Variants in SOCS4 observed in about 807,000 individuals in gnomAD.
SOCS4 encodes the protein SH2 domain containing SOCS box protein.
SOCS4 carries 20 observed loss-of-function variants against 34.1 expected under a neutral mutation model. The observed-to-expected ratio is 0.59, with a 90% CI of 0.41 to 0.85. SOCS4 has a LOEUF of 0.85. SOCS4 is among the 40% of genes least tolerant of loss of function. SOCS4 has a pLI of 0.00. For missense variants in SOCS4, 479 were observed against 532.4 expected (o/e 0.90, Z 0.99); for synonymous variants, 180 against 186.4 (o/e 0.97, Z 0.28).
In SOCS4 at chr14:55,034,698, C is replaced by T. The variant is rs543740011; in HGVS notation, c.-91+2707C>T. Among the ~76,000 whole-genome samples the T allele has an allele frequency of 2.5e-3, 380 of 151,650 alleles. 2 individuals are homozygous for T. Among genetic ancestry groups the T allele is most frequent in the African/African-American group, 7.7e-3 (320 of 41,350 alleles). On this transcript the variant is annotated intron_variant, in intron 2 of 2. Transcript: ENST00000555846. ...AAAAACTACAAAAATTAGCCAGGCGCGGTGGCAGGTGCCTGTAATCCCAGC... is the reference window on the plus strand; with the variant it reads ...AAAAACTACAAAAATTAGCCAGGCGTGGTGGCAGGTGCCTGTAATCCCAGC...
rs533635926 is a variant in SOCS4, at chr14:55,047,742, C to T, written c.*3378C>T. 1.2e-5 allele frequency: 2 copies of T among 167,214 alleles called. No individual in the cohort carries two copies. The highest frequency in any genetic ancestry group is 4.8e-5 in the African/African-American group (2 of 41,580). 10.4% of individuals were successfully genotyped at this position (167,214 alleles called of 1,614,324 possible). A position where few individuals can be genotyped will look rare whatever the true frequency, so the allele number is the denominator to read the frequency against. Reference sequence around the variant, plus strand: ...TAGAACAAATGTGGCAAGTAGGACTCCTATCGGTATACAAATTCCATTTCT... The same window carrying T: ...TAGAACAAATGTGGCAAGTAGGACTTCTATCGGTATACAAATTCCATTTCT... On this transcript the variant is annotated 3_prime_UTR_variant, in exon 3 of 3. Coordinates refer to ENST00000555846, the MANE Select transcript of SOCS4 (RefSeq NM_199421.2).
rs77896504 is a variant in SOCS4, at chr14:55,039,099, T to C, written c.-90-3853T>C. ...TTTTCTGACTGGAGTAATTTTTGTT[T>C]TATAATGAGAAAAAACCAAAAAGCT... On this transcript the variant is annotated intron_variant, in intron 2 of 2. Transcript: ENST00000555846. Among the ~76,000 whole-genome samples, 380 of 152,334 alleles carry C rather than the reference T, an allele frequency of 2.5e-3. 4 individuals are homozygous for C. The highest frequency in any genetic ancestry group is 8.7e-3 in the African/African-American group (360 of 41,566).
chr14:55,042,132 T>G (rs2140248396), intron 2 of SOCS4, among the ~76,000 whole-genome samples: 1 of 152,262 alleles, frequency 6.6e-6, no homozygotes. Flanking sequence ...TAAATTCCAT[T>G]TACAAACAAT....
At chr14:55,031,273 G>A (rs929349873) in intron 1 of SOCS4, among the ~76,000 whole-genome samples, 2 of 152,078 alleles carry the variant, frequency 1.3e-5, no homozygotes, top group African/African-American at 2.4e-5. Context: ...CTTCAGTGAT[G>A]GGTTCCTAGA....
intron 1 of SOCS4, among the ~76,000 whole-genome samples, chr14:55,030,000 T>C (rs1485754389): frequency 6.6e-6 from 1 of 152,160 alleles, no homozygotes; most frequent in Admixed American, 6.5e-5. Flanking sequence ...ATCAGTGTTA[T>C]ATAGATAGAA....
chr14:55,035,132 A>G (rs2042561640), intron 2 of SOCS4, among the ~76,000 whole-genome samples: 1 of 152,204 alleles, frequency 6.6e-6, no homozygotes. Flanking sequence ...AAGTACTGGG[A>G]TTACAGACAT....
chr14:55,033,832 A>G (rs762951086), intron 2 of SOCS4, among the ~76,000 whole-genome samples: 7 of 152,220 alleles, frequency 4.6e-5, no homozygotes, highest in Non-Finnish European at 1.0e-4. Context: ...GAAATATTCT[A>G]GTAAGATATA....
rs1310114491 is a variant in SOCS4 at position 55,043,672 on chromosome 14, A to G, written c.631A>G (p.Thr211Ala). 1.1e-5 allele frequency: 17 copies of G among 1,614,056 alleles called. No individual in the cohort carries two copies. The highest frequency in any genetic ancestry group is 1.4e-5 in the Non-Finnish European group (16 of 1,180,046). The change falls in exon 3 of 3, where the codon ACT becomes GCT. Residue 211 changes from threonine (T) to alanine (A), a missense_variant. Transcript: ENST00000555846. ...DNALCREGPM[T>A]GSVMNLVSNN... The stretch of plus-strand genomic sequence containing the variant: ...TGCTTTGTGTAGAGAAGGTCCTATG[A>G]CTGGCTCTGTGATGAACCTGGTTTC...
In SOCS4 at chr14:55,044,447, TC is replaced by T; in HGVS notation, c.*84del. 9.3e-7 allele frequency: 1 copy of T among 1,080,280 alleles called. No individual in the cohort carries two copies. Among genetic ancestry groups the T allele is most frequent in the Non-Finnish European group, 1.2e-6 (1 of 827,868 alleles). 66.9% of individuals were successfully genotyped at this position (1,080,280 alleles called of 1,614,324 possible). On this transcript the variant is annotated 3_prime_UTR_variant, in exon 3 of 3. Transcript: ENST00000555846. The stretch of plus-strand genomic sequence containing the variant: ...TTCTTTTTATGCCACTTTGGATTTT[TC>T]TACAAAGGCAGTGGTGTCCAAAATA...
chr14:55,032,210 G>A (rs1004346716), intron 2 of SOCS4, among the ~76,000 whole-genome samples: 3 of 152,130 alleles, frequency 2.0e-5, no homozygotes, highest in Admixed American at 6.5e-5. Flanking sequence ...CAATAATGCT[G>A]TTATCCTACA....
rs541742955 is a variant in SOCS4, at chr14:55,046,189, G to T, written c.*1825G>T. On this transcript the variant is annotated 3_prime_UTR_variant, in exon 3 of 3. Coordinates refer to ENST00000555846, the MANE Select transcript of SOCS4 (RefSeq NM_199421.2). ...TAAAGACGATATTTACCTTTTACAA[G>T]GTTAGAAAAGTCTCATACTACCTCA... The T allele has an allele frequency of 3.0e-5, 5 of 166,854 alleles. No individual in the cohort carries two copies. The highest frequency in any genetic ancestry group is 7.2e-5 in the African/African-American group (3 of 41,554). 10.3% of individuals were successfully genotyped at this position (166,854 alleles called of 1,614,324 possible).
At position 55,044,536 on chromosome 14, in the gene SOCS4, G is replaced by A. The variant is rs181020163; in HGVS notation, c.*172G>A. Reference sequence around the variant, plus strand: ...TCTAGTGATACACAAATTGTTTAAGGTTATACACTCGAGCTTAAATAGATA... The same window carrying A: ...TCTAGTGATACACAAATTGTTTAAGATTATACACTCGAGCTTAAATAGATA... On this transcript the variant is annotated 3_prime_UTR_variant, in exon 3 of 3. Coordinates refer to ENST00000555846, the MANE Select transcript of SOCS4 (RefSeq NM_199421.2). The A allele has an allele frequency of 1.3e-3, 517 of 385,600 alleles. 2 individuals are homozygous for A. The highest frequency in any genetic ancestry group is 9.3e-3 in the African/African-American group (445 of 47,622). 23.9% of individuals were successfully genotyped at this position (385,600 alleles called of 1,614,324 possible).
At chr14:55,030,663 C>T (rs2042520495) in intron 1 of SOCS4, among the ~76,000 whole-genome samples, 1 of 152,114 alleles carries the variant, frequency 6.6e-6, no homozygotes, top group African/African-American at 2.4e-5. Flanking sequence ...TGTTTTCATA[C>T]CTTTTACTCC....
At position 55,043,724 on chromosome 14, in the gene SOCS4, T is replaced by C. The variant is rs143801578; in HGVS notation, c.683T>C (p.Met228Thr). The change falls in exon 3 of 3, where the codon ATG becomes ACG. Residue 228 changes from methionine to threonine, a missense_variant. Coordinates refer to ENST00000555846, the MANE Select transcript of SOCS4 (RefSeq NM_199421.2). Reference sequence around the variant, plus strand: ...AATAACAGTATAGAAGATAGTGATATGGATTCCGATGATGAAATTCTAACA... The same window carrying C: ...AATAACAGTATAGAAGATAGTGATACGGATTCCGATGATGAAATTCTAACA... ...VSNNSIEDSD[M>T]DSDDEILTLC... The C allele has an allele frequency of 1.9e-6, 3 of 1,614,054 alleles. No homozygotes were observed. The highest frequency in any genetic ancestry group is 1.3e-5 in the African/African-American group (1 of 74,938).
In SOCS4 at chr14:55,027,426, T is replaced by C. The variant is rs1202362916; in HGVS notation, c.-265T>C. 1 of 153,664 alleles carries C rather than the reference T, an allele frequency of 6.5e-6. No individual in the cohort carries two copies. Among genetic ancestry groups the C allele is most frequent in the African/African-American group, 2.4e-5 (1 of 41,466 alleles). 9.5% of individuals were successfully genotyped at this position (153,664 alleles called of 1,614,324 possible). On this transcript the variant is annotated 5_prime_UTR_variant, in exon 1 of 3. It removes an upstream start codon present in the reference 5' UTR. Coordinates refer to ENST00000555846, the MANE Select transcript of SOCS4 (RefSeq NM_199421.2). The stretch of plus-strand genomic sequence containing the variant: ...GCGCCCAGACTGATGGCGATGGTGA[T>C]GGCAGCAGTTACTCGCACAACCCCA...
intron 2 of SOCS4, among the ~76,000 whole-genome samples, chr14:55,037,615 G>A (rs371130126): frequency 4.0e-4 from 60 of 150,920 alleles, no homozygotes; most frequent in Non-Finnish European, 7.7e-4. Context: ...TGCCTCAGCC[G>A]CCCAAGTAGC....
In SOCS4 at chr14:55,048,532, TTTTTC is replaced by T. The variant is rs1398944101; in HGVS notation, c.*4177_*4181del. ...AAGGAAAGAACAGAAAGCACAAAGG[TTTTTC>T]TTTTCTTTATTAATGGCCTACTAGA... On this transcript the variant is annotated 3_prime_UTR_variant, in exon 3 of 3. Coordinates refer to ENST00000555846, the MANE Select transcript of SOCS4 (RefSeq NM_199421.2). 2 of 166,822 alleles carry T rather than the reference TTTTTC, an allele frequency of 1.2e-5. No individual in the cohort carries two copies. Among genetic ancestry groups the T allele is most frequent in the Admixed American group, 6.5e-5 (1 of 15,274 alleles). The allele number at this position is 166,822 out of a possible 1,614,324, so 10.3% of individuals were successfully genotyped here.
chr14:55,043,566 G>A lies in SOCS4; in HGVS notation c.525G>A (p.Gln175=), dbSNP rs61734083. The stretch of plus-strand genomic sequence containing the variant: ...CTCAGACTGAATTGAGGGATGGTCA[G>A]CTAAAACGAAGAAATATGGAAGAAA... ...DLSQTELRDG[Q]LKRRNMEENI... The change falls in exon 3 of 3, where the codon CAG becomes CAA. Residue 175 remains glutamine (Q), a synonymous_variant. Coordinates refer to ENST00000555846, the MANE Select transcript of SOCS4 (RefSeq NM_199421.2). 1.8e-3 allele frequency: 2,871 copies of A among 1,614,122 alleles called. 43 individuals carry two copies. The African/African-American group carries it at 0.034, about 19-fold the overall frequency.
chr14:55,048,526 C>T lies in SOCS4; in HGVS notation c.*4162C>T, dbSNP rs1380635397. The T allele has an allele frequency of 1.2e-5, 2 of 166,970 alleles. No individual in the cohort carries two copies. Among genetic ancestry groups the T allele is most frequent in the African/African-American group, 4.8e-5 (2 of 41,548 alleles). 10.3% of individuals were successfully genotyped at this position (166,970 alleles called of 1,614,324 possible). On this transcript the variant is annotated 3_prime_UTR_variant, in exon 3 of 3. Coordinates refer to ENST00000555846, the MANE Select transcript of SOCS4 (RefSeq NM_199421.2). ...TAATTTAAGGAAAGAACAGAAAGCA[C>T]AAAGGTTTTTCTTTTCTTTATTAAT...
Sources: gnomAD v4.1 joint callset for allele counts (sites outside exome capture counted in the v4.1 genomes callset) on GRCh38, gnomAD v4.1.1 for gene constraint, MANE v1.5 for transcripts, NCBI Gene and HGNC (gene_info 2026-07-23, HGNC 2026-07-21) for gene names.